ADAMTSL1: variants seen among roughly 807,000 people sequenced by gnomAD.
ADAMTSL1 encodes the protein ADAMTS like 1, also known as ADAMTS-like protein 1.
Under a neutral mutation model 201.8 loss-of-function variants are expected in ADAMTSL1, and 126 were observed. The ratio of observed to expected loss-of-function variants is 0.62; its 90% CI spans 0.54 to 0.72. ADAMTSL1 has a LOEUF of 0.72. Ranked by LOEUF, ADAMTSL1 falls within the 30% of genes least tolerant of loss-of-function variation. The pLI is 0.00. For missense variants in ADAMTSL1, 2,679 were observed against 2,277.8 expected (o/e 1.18, Z -3.59); for synonymous variants, 1,121 against 903.4 (o/e 1.24, Z -4.32).
At chr9:18,901,685 C>A (rs1332324065) in intron 26 of ADAMTSL1, among the ~76,000 whole-genome samples, 2 of 151,958 alleles carry the variant, frequency 1.3e-5, no homozygotes, top group African/African-American at 4.8e-5. Context: ...AGAAAGGAAG[C>A]AAAATTTGTC....
At chr9:18,357,201 T>TCTC (rs1236659120) in intron 2 of ADAMTSL1, among the ~76,000 whole-genome samples, 1 of 152,122 alleles carries the variant, frequency 6.6e-6, no homozygotes, top group East Asian at 1.9e-4. Flanking sequence ...AGAAACCTCC[T>TCTC]CTGGAGGCTC....
At chr9:18,184,920 T>A (rs1254925602) in intron 2 of ADAMTSL1, among the ~76,000 whole-genome samples, 1 of 152,174 alleles carries the variant, frequency 6.6e-6, no homozygotes, top group Non-Finnish European at 1.5e-5. Flanking sequence ...GTCTCCTGTT[T>A]TGGGTCTATT....
rs769966323 is a variant in ADAMTSL1, at chr9:18,776,881, G to A, written c.2652G>A (p.Gly884=). 1.2e-6 allele frequency: 2 copies of A among 1,611,554 alleles called. No individual in the cohort carries two copies. Among genetic ancestry groups the A allele is most frequent in the South Asian group, 1.1e-5 (1 of 90,756 alleles). ...RRQRKLHFVV[G]GFAYLLPKTA... ...AGAGGAAGCTGCACTTCGTGGTGGG[G>A]GGCTTCGCCTACCTGCTCCCCAAGA... Residue 884 remains glycine (G), a synonymous_variant, in exon 19 of 29, where the codon GGG becomes GGA. Transcript: ENST00000380548.
At chr9:18,855,792 C>A (rs1826803748) in intron 23 of ADAMTSL1, among the ~76,000 whole-genome samples, 1 of 152,136 alleles carries the variant, frequency 6.6e-6, no homozygotes. Flanking sequence ...ACCAAAAATT[C>A]ATTCAACGCC....
intron 3 of ADAMTSL1, among the ~76,000 whole-genome samples, chr9:18,557,819 A>G (rs1324329784): frequency 6.6e-6 from 1 of 152,070 alleles, no homozygotes; most frequent in East Asian, 1.9e-4. Flanking sequence ...TTTGCAATCT[A>G]TCAATCTCAC....
intron 3 of ADAMTSL1, among the ~76,000 whole-genome samples, chr9:18,539,756 T>A (rs1349700076): frequency 3.3e-5 from 5 of 152,170 alleles, no homozygotes; most frequent in Non-Finnish European, 7.3e-5. Context: ...AATAAATAAA[T>A]GTTATTTATG....
At chr9:18,498,731 C>G (rs1039280811) in intron 1 of ADAMTSL1, among the ~76,000 whole-genome samples, 1 of 152,202 alleles carries the variant, frequency 6.6e-6, no homozygotes, top group East Asian at 1.9e-4. Flanking sequence ...CCGTCTCACT[C>G]TAAAGTCTGT....
intron 1 of ADAMTSL1, among the ~76,000 whole-genome samples, chr9:17,992,227 G>C (rs1819185496): frequency 6.6e-6 from 1 of 152,104 alleles, no homozygotes; most frequent in Admixed American, 6.5e-5. Context: ...GGGTAGGGCA[G>C]AGGTCAAGCT....
At chr9:18,668,778 A>T (rs916434650) in intron 9 of ADAMTSL1, among the ~76,000 whole-genome samples, 1 of 152,214 alleles carries the variant, frequency 6.6e-6, no homozygotes, top group Non-Finnish European at 1.5e-5. Context: ...CAACTTGCCC[A>T]ATGTCACTTC....
chr9:18,710,068 C>T (rs1246150853), intron 14 of ADAMTSL1, among the ~76,000 whole-genome samples: 1 of 152,132 alleles, frequency 6.6e-6, no homozygotes, highest in African/African-American at 2.4e-5. Flanking sequence ...TGCCTGCCTC[C>T]CATGGGCCAA....
chr9:18,257,166 A>C (rs571687195), intron 2 of ADAMTSL1, among the ~76,000 whole-genome samples: 1 of 152,242 alleles, frequency 6.6e-6, no homozygotes, highest in Non-Finnish European at 1.5e-5. Flanking sequence ...AGGTATGGTG[A>C]TCATCACAAC....
intron 2 of ADAMTSL1, among the ~76,000 whole-genome samples, chr9:18,520,051 C>G (rs996669006): frequency 6.6e-6 from 1 of 152,128 alleles, no homozygotes; most frequent in African/African-American, 2.4e-5. Flanking sequence ...AGTGATTTTT[C>G]TAGTTATAGT....
At chr9:18,395,324 A>G (rs942808120) in intron 2 of ADAMTSL1, among the ~76,000 whole-genome samples, 1 of 152,218 alleles carries the variant, frequency 6.6e-6, no homozygotes, top group African/African-American at 2.4e-5. Flanking sequence ...TCCACCAGAG[A>G]TAAAGAAATG....
Position 17,911,377 on chromosome 9 carries a change from G to C in ADAMTSL1, c.87+4455G>C, listed in dbSNP as rs1316259731. Among the ~76,000 whole-genome samples the C allele has an allele frequency of 2.9e-5, 2 of 68,280 alleles. 1 individual carries two copies. Among genetic ancestry groups the C allele is most frequent in the Non-Finnish European group, 9.0e-5 (2 of 22,328 alleles). 44.8% of individuals were successfully genotyped at this position (68,280 alleles called of 152,430 possible). On this transcript the variant is annotated intron_variant, in intron 1 of 29. Coordinates refer to the ADAMTSL1 transcript ENST00000680146. ...CAGTAGATATTATCAATTACTTAAC[G>C]ATTTCTACAACCTGACTGTAGCAAT...
At chr9:18,022,644 T>C (rs571274263) in intron 1 of ADAMTSL1, among the ~76,000 whole-genome samples, 2 of 152,274 alleles carry the variant, frequency 1.3e-5, no homozygotes, top group Admixed American at 1.3e-4. Flanking sequence ...GTATATTATA[T>C]GGAAACAGTC....
rs75928234 is a variant in ADAMTSL1, at chr9:18,483,335, T to C, written c.63+9040T>C. Among the ~76,000 whole-genome samples, 1,390 of 152,334 alleles carry C rather than the reference T, an allele frequency of 9.1e-3. 25 individuals carry two copies. The highest frequency in any genetic ancestry group is 0.032 in the African/African-American group (1,316 of 41,566). ...CATCTAGTACATAGGATCCAGATAC[T>C]GGAATCTTGTGCTGTTTCCTTGTGT... On this transcript the variant is annotated intron_variant, in intron 1 of 28. Transcript: ENST00000380548.
intron 15 of ADAMTSL1, among the ~76,000 whole-genome samples, chr9:18,750,834 G>A (rs1216524818): frequency 6.6e-6 from 1 of 152,190 alleles, no homozygotes; most frequent in African/African-American, 2.4e-5. Context: ...TGCATTCAAG[G>A]TAGCTCGCTC....
intron 2 of ADAMTSL1, among the ~76,000 whole-genome samples, chr9:18,396,123 A>T (rs1246272244): frequency 1.3e-5 from 2 of 152,188 alleles, no homozygotes; most frequent in East Asian, 1.9e-4. Context: ...CCCATACTTT[A>T]TCCAACCTTA....
At chr9:18,579,932 G>C (rs1360724789) in intron 4 of ADAMTSL1, among the ~76,000 whole-genome samples, 2 of 152,152 alleles carry the variant, frequency 1.3e-5, no homozygotes, top group African/African-American at 4.8e-5. Context: ...TAAATGTATG[G>C]ACAGAACATG....
Sources: allele counts gnomAD v4.1 joint callset (sites outside exome capture counted in the v4.1 genomes callset), GRCh38; gene constraint gnomAD v4.1.1; transcripts MANE v1.5; gene names NCBI Gene and HGNC (gene_info 2026-07-23, HGNC 2026-07-21).